Variants in RNF44 observed in about 807,000 individuals in gnomAD.
The protein encoded by RNF44 is ring finger protein 44.
A neutral mutation model predicts 53.6 loss-of-function variants in RNF44; 25 were observed. The observed-to-expected ratio is 0.47, with a 90% CI of 0.34 to 0.65. The LOEUF is 0.65. RNF44 is among the 30% of genes least tolerant of loss of function. The pLI, the probability that RNF44 is intolerant of heterozygous loss-of-function variation, is 0.01. For missense variants in RNF44, 581 were observed against 595.5 expected, an observed-to-expected ratio of 0.98 and a Z score of 0.25; for synonymous variants, 282 against 252.2, an observed-to-expected ratio of 1.12 and a Z score of -1.12.
upstream of RNF44, chr5:176,537,681 C>T (rs1581118940): frequency 6.6e-6 from 1 of 152,240 alleles, no homozygotes; most frequent in East Asian, 1.9e-4. Context: ...GGCTCAGTTT[C>T]CCTGCCGAAG....
Position 176,527,120 on chromosome 5 carries a change from C to G in RNF44, c.*1908G>C, listed in dbSNP as rs1756096521. On this transcript the variant is annotated 3_prime_UTR_variant, in exon 11 of 11. Transcript: ENST00000274811. ...ACCTTTCTAACACAGAACACAGGCG[C>G]TGGGCCCAGCCAGGGCTGGGGGAAG... 1 of 152,292 alleles carries G rather than the reference C, an allele frequency of 6.6e-6. No individual in the cohort carries two copies. Among genetic ancestry groups the G allele is most frequent in the Non-Finnish European group, 1.5e-5 (1 of 68,034 alleles). The allele number at this position is 152,292 out of a possible 1,614,324, so 9.4% of individuals were successfully genotyped here.
chr5:176,531,937 C>A lies in RNF44; in HGVS notation c.297+67G>T. On this transcript the variant is annotated intron_variant, in intron 3 of 10. Coordinates refer to ENST00000274811, the MANE Select transcript of RNF44 (RefSeq NM_014901.5). This position sits in a 1 kb window ranked among gnomAD's most constrained non-coding sequence, Gnocchi z 4.2. Reference sequence around the variant, plus strand: ...TGAAGCAAGCTAGGTGAAATCTAGGCCTTGCTGCCTCTGCCTCTCAGACTG... The same window carrying A: ...TGAAGCAAGCTAGGTGAAATCTAGGACTTGCTGCCTCTGCCTCTCAGACTG... The A allele has an allele frequency of 6.8e-7, 1 of 1,471,504 alleles. No individual in the cohort carries two copies. The highest frequency in any genetic ancestry group is 9.2e-7 in the Non-Finnish European group (1 of 1,088,768). 91.2% of individuals were successfully genotyped at this position (1,471,504 alleles called of 1,614,324 possible). A position where few individuals can be genotyped will look rare whatever the true frequency, so the allele number is the denominator to read the frequency against.
upstream of RNF44, among the ~76,000 whole-genome samples, chr5:176,540,704 C>A (rs1581121350): frequency 6.6e-6 from 1 of 152,232 alleles, no homozygotes; most frequent in African/African-American, 2.4e-5. Context: ...TCTTCTCCTG[C>A]AGGACCAGGA....
At position 176,531,395 on chromosome 5, in the gene RNF44, C is replaced by A; in HGVS notation, c.465+68G>T. 6.8e-7 allele frequency: 1 copy of A among 1,472,622 alleles called. No homozygotes were observed. Among genetic ancestry groups the A allele is most frequent in the African/African-American group, 1.4e-5 (1 of 72,022 alleles). 91.2% of individuals were successfully genotyped at this position (1,472,622 alleles called of 1,614,324 possible). A position where few individuals can be genotyped will look rare whatever the true frequency, so the allele number is the denominator to read the frequency against. ...AGCCCAGTTCAGGGCTGCCCTGGGC[C>A]CGCTGAGCCGCTGGCCTGTGCCTGG... On this transcript the variant is annotated intron_variant, in intron 4 of 10. Transcript: ENST00000274811. This position sits in a 1 kb window ranked among gnomAD's most constrained non-coding sequence, Gnocchi z 4.2.
In RNF44 at chr5:176,528,789, C is replaced by CA. The variant is rs1276622251; in HGVS notation, c.*238dup. 6 of 581,942 alleles carry CA rather than the reference C, an allele frequency of 1.0e-5. No homozygotes were observed. Among genetic ancestry groups the CA allele is most frequent in the African/African-American group, 1.9e-5 (1 of 51,864 alleles). 36.0% of individuals were successfully genotyped at this position (581,942 alleles called of 1,614,324 possible). A position where few individuals can be genotyped will look rare whatever the true frequency, so the allele number is the denominator to read the frequency against. ...GGAGGGAGACCCGATCAGGGACACT[C>CA]AGGCAGCTCCGTGGCGGGCGGGCAG... On this transcript the variant is annotated 3_prime_UTR_variant, in exon 11 of 11. Transcript: ENST00000274811.
chr5:176,540,779 CAGCGCCAG>C (rs1233478334), upstream of RNF44, among the ~76,000 whole-genome samples: 1 of 152,258 alleles, frequency 6.6e-6, no homozygotes, highest in Non-Finnish European at 1.5e-5. Flanking sequence ...AGTTTCCCCT[CAGCGCCAG>C]AGACCAATAA....
rs747623375 is a variant in RNF44, at chr5:176,530,062, G to T, written c.926+20C>A. 1 of 1,372,814 alleles carries T rather than the reference G, an allele frequency of 7.3e-7. No homozygotes were observed. The highest frequency in any genetic ancestry group is 2.7e-5 in the East Asian group (1 of 37,360). The allele number at this position is 1,372,814 out of a possible 1,614,324, so 85.0% of individuals were successfully genotyped here. A position where few individuals can be genotyped will look rare whatever the true frequency, so the allele number is the denominator to read the frequency against. ...GAGAACAGGGCATCAGGGACCTGGG[G>T]CGGATGTGCGGATACTTACAGGAAG... On this transcript the variant is annotated intron_variant, in intron 7 of 10. Coordinates refer to ENST00000274811, the MANE Select transcript of RNF44 (RefSeq NM_014901.5).
At chr5:176,538,325 G>A (rs1757355548), upstream of RNF44, among the ~76,000 whole-genome samples, 1 of 152,160 alleles carries the variant, frequency 6.6e-6, no homozygotes, top group Non-Finnish European at 1.5e-5. Flanking sequence ...TACAGATGGG[G>A]AAAGTGAGGG....
At position 176,532,482 on chromosome 5, in the gene RNF44, A is replaced by AGGGGGGGGGAG; in HGVS notation, c.-11_-10insCTCCCCCCCCC. On this transcript the variant is annotated 5_prime_UTR_variant, in exon 2 of 11. Coordinates refer to ENST00000274811, the MANE Select transcript of RNF44 (RefSeq NM_014901.5). ...GAGCCCATGGTCGCATCGGGGGGGC[A>AGGGGGGGGGAG]GGGGGGTGGAGGGGCTGGGCCGGGA... The AGGGGGGGGGAG allele has an allele frequency of 4.0e-6, 3 of 751,800 alleles. No individual in the cohort carries two copies. Among genetic ancestry groups the AGGGGGGGGGAG allele is most frequent in the Admixed American group, 5.0e-5 (2 of 39,634 alleles). The allele number at this position is 751,800 out of a possible 1,614,324, so 46.6% of individuals were successfully genotyped here.
At chr5:176,535,670 A>G (rs1035525147) in intron 1 of RNF44, among the ~76,000 whole-genome samples, 22 of 152,338 alleles carry the variant, frequency 1.4e-4, no homozygotes, top group African/African-American at 3.8e-4. Flanking sequence ...TCTCCAAGCC[A>G]TACAGGAGGC....
Position 176,531,553 on chromosome 5 carries a change from CTGGCCTGTAGGCAAGGGGA to C in RNF44, c.356_374del (p.Phe119CysfsTer16). ...GCTGGGCACTGCAGCCAGGGATGTG[CTGGCCTGTAGGCAAGGGGA>C]AGCCTTGGGTCGTCACTGTGGTGAC... On this transcript the variant is annotated frameshift_variant, in exon 4 of 11. Transcript: ENST00000274811. LOFTEE classifies it high-confidence loss of function. This position sits in a 1 kb window ranked among gnomAD's most constrained non-coding sequence, Gnocchi z 4.2. The C allele has an allele frequency of 6.2e-7, 1 of 1,612,768 alleles. No individual in the cohort carries two copies.
intron 6 of RNF44, 74 bp downstream of exon 6, chr5:176,530,508 C>T (rs979783925): frequency 7.5e-7 from 1 of 1,341,576 alleles, no homozygotes; most frequent in South Asian, 1.8e-5. Context: ...CCTGGGAGCC[C>T]AGATGCAGGT....
At chr5:176,533,944 A>C (rs1273071793) in intron 1 of RNF44, among the ~76,000 whole-genome samples, 5 of 152,196 alleles carry the variant, frequency 3.3e-5, no homozygotes, top group Non-Finnish European at 7.3e-5. Flanking sequence ...CTTGATACCC[A>C]GCTTTCAATG....
rs901034318 is a variant in RNF44, at chr5:176,531,101, G to T, written c.466-80C>A. 1.8e-4 allele frequency: 186 copies of T among 1,054,126 alleles called. No homozygotes were observed. Among genetic ancestry groups the T allele is most frequent in the South Asian group, 2.4e-4 (11 of 45,264 alleles). The allele number at this position is 1,054,126 out of a possible 1,614,324, so 65.3% of individuals were successfully genotyped here. On this transcript the variant is annotated intron_variant, in intron 4 of 10. Transcript: ENST00000274811. The surrounding 1 kb of genome is among the most constrained non-coding windows in gnomAD (Gnocchi z 4.2). ...TCTACGCCATGCCACCCAGCAAAAG[G>T]CCCCCACCGGGCACACACCCAGCAG...
chr5:176,532,228 G>C, intron 2 of RNF44, 35 bp from the exon 3 acceptor site: 20 of 1,491,764 alleles, frequency 1.3e-5, no homozygotes, highest in Non-Finnish European at 1.8e-5. Context: ...ATAGGACTGA[G>C]GGGGGCCACT....
At chr5:176,538,617 G>C (rs1251598528), upstream of RNF44, among the ~76,000 whole-genome samples, 1 of 152,172 alleles carries the variant, frequency 6.6e-6, no homozygotes, top group African/African-American at 2.4e-5. Flanking sequence ...GAGGCGACAC[G>C]GGGCTATCTC....
rs749687112 is a variant in RNF44 at position 176,529,559 on chromosome 5, C to T, written c.1100G>A (p.Arg367His). Reference sequence around the variant, plus strand: ...CGACTGATGGCTGTCCGGGTTAAAGCGGTACGACGGGAGCTGCTCTATGTC... The same window carrying T: ...CGACTGATGGCTGTCCGGGTTAAAGTGGTACGACGGGAGCTGCTCTATGTC... ...KADIEQLPSY[R>H]FNPDSHQSEQ... The change falls in exon 9 of 11, where the codon CGC (arginine) becomes CAC (histidine). Residue 367 changes from arginine to histidine, a missense_variant. Physicochemically the swap from Arg to His is conservative, Grantham distance 29 (BLOSUM62 0). Transcript: ENST00000274811. The T allele has an allele frequency of 2.5e-5, 41 of 1,613,902 alleles. No homozygotes were observed. The highest frequency in any genetic ancestry group is 3.3e-5 in the Non-Finnish European group (39 of 1,180,028).
At chr5:176,535,976 C>A (rs1757126749) in intron 1 of RNF44, 1 of 152,268 alleles carries the variant, frequency 6.6e-6, no homozygotes, top group South Asian at 2.1e-4. Flanking sequence ...CCCCTTAAGT[C>A]CAGTGCCCCA....
chr5:176,530,679 G>A lies in RNF44; in HGVS notation c.704C>T (p.Thr235Ile). Reference sequence around the variant, plus strand: ...TGGGCCAGGCGCAGAGGTGGAGTAGGTGAAGCTGCCCAGGGAGGGCTGGTC... The same window carrying A: ...TGGGCCAGGCGCAGAGGTGGAGTAGATGAAGCTGCCCAGGGAGGGCTGGTC... Reference protein sequence around the residue: ...RGDQPSLGSFTYSTSAPGPAL... With the variant: ...RGDQPSLGSFIYSTSAPGPAL... The change falls in exon 6 of 11, where the codon ACC (threonine) becomes ATC (isoleucine). Residue 235 changes from threonine (T) to isoleucine (I), a missense_variant. Thr to Ile is a moderately conservative substitution (Grantham distance 89). Around this residue, in one of 3 missense-constraint regions of RNF44, gnomAD observed 387 missense variants for 366.0 expected, o/e 1.06. Transcript: ENST00000274811. 3 of 1,544,580 alleles carry A rather than the reference G, an allele frequency of 1.9e-6. No homozygotes were observed. The highest frequency in any genetic ancestry group is 2.6e-6 in the Non-Finnish European group (3 of 1,148,180).
Sources: gnomAD v4.1 joint callset for allele counts (sites outside exome capture counted in the v4.1 genomes callset) on GRCh38, gnomAD v4.1.1 for gene constraint, gnomAD v4.1.1 regional missense constraint, Gnocchi (gnomAD v3.1) non-coding constraint, MANE v1.5 for transcripts, NCBI Gene and HGNC (gene_info 2026-07-23, HGNC 2026-07-21) for gene names.